The following PIK3CB variants were observed in gnomAD, a reference collection of about 807,000 sequenced individuals.
PIK3CB encodes phosphatidylinositol-4,5-bisphosphate 3-kinase catalytic subunit beta, also known as phosphatidylinositol 4,5-bisphosphate 3-kinase catalytic subunit beta isoform.
PIK3CB carries 39 observed loss-of-function variants against 136.8 expected under a neutral mutation model. That is an observed-to-expected ratio of 0.29 (90% CI 0.22 to 0.37). The LOEUF (loss-of-function observed/expected upper bound fraction) is 0.37. PIK3CB is among the 10% of genes least tolerant of loss of function. The probability of loss-of-function intolerance (pLI) is 1.00; values close to 1 mark genes in which losing one functional copy is unlikely to be tolerated. For missense variants in PIK3CB, 868 were observed against 1,275.4 expected (o/e 0.68, Z 4.87); for synonymous variants, 428 against 436.6 (o/e 0.98, Z 0.25).
At chr3:138,682,130 C>G (rs2043795253) in intron 18 of PIK3CB, 85 bp from the exon 19 acceptor site, 1 of 760,508 alleles carries the variant, frequency 1.3e-6, no homozygotes, top group Non-Finnish European at 2.2e-6. Context: ...TCAGAATTAA[C>G]TAAAAACATT....
chr3:138,745,742 C>A (rs1367962354), intron 4 of PIK3CB, among the ~76,000 whole-genome samples: 2 of 152,182 alleles, frequency 1.3e-5, no homozygotes, highest in Non-Finnish European at 2.9e-5. Context: ...TCTTGTTGTA[C>A]AACCAAAAGA....
At chr3:138,665,769 C>T (rs1486345320) in intron 19 of PIK3CB, among the ~76,000 whole-genome samples, 1 of 152,092 alleles carries the variant, frequency 6.6e-6, no homozygotes, top group Non-Finnish European at 1.5e-5. Flanking sequence ...AGGGTTTGGC[C>T]ATGTTACCCA....
chr3:138,717,288 G>C (rs2044631693), intron 8 of PIK3CB, among the ~76,000 whole-genome samples: 1 of 151,858 alleles, frequency 6.6e-6, no homozygotes, highest in African/African-American at 2.4e-5. Context: ...GTTTATAGTG[G>C]ATAGCTGGAA....
intron 9 of PIK3CB, among the ~76,000 whole-genome samples, chr3:138,713,697 A>T (rs2044551721): frequency 6.6e-6 from 1 of 152,098 alleles, no homozygotes; most frequent in Non-Finnish European, 1.5e-5. Context: ...AAAATAACAC[A>T]AATTAATATA....
chr3:138,805,132 CGAGA>C, intron 1 of PIK3CB, among the ~76,000 whole-genome samples: 1 of 151,180 alleles, frequency 6.6e-6, no homozygotes, highest in Non-Finnish European at 1.5e-5. Context: ...GTCAGGAGTT[CGAGA>C]CCAGCCTGGC....
chr3:138,732,760 C>T (rs370897417), intron 8 of PIK3CB, among the ~76,000 whole-genome samples: 1 of 148,718 alleles, frequency 6.7e-6, no homozygotes, highest in African/African-American at 2.5e-5. Context: ...GGGTTCAGTG[C>T]AGCTCTAGGC....
chr3:138,677,065 T>TTC (rs974661275), intron 19 of PIK3CB, among the ~76,000 whole-genome samples: 2 of 151,806 alleles, frequency 1.3e-5, no homozygotes, highest in Non-Finnish European at 2.9e-5. Flanking sequence ...AAGATTTTTT[T>TTC]TTTTTTTTTG....
At chr3:138,784,991 C>T (rs1260661090) in intron 2 of PIK3CB, among the ~76,000 whole-genome samples, 3 of 151,900 alleles carry the variant, frequency 2.0e-5, no homozygotes, top group African/African-American at 4.8e-5. Flanking sequence ...GGAGCCCCTC[C>T]ACCCGGCAGC....
intron 18 of PIK3CB, among the ~76,000 whole-genome samples, 175 bp downstream of exon 18, chr3:138,683,502 GA>G (rs1219975890): frequency 3.9e-5 from 6 of 152,026 alleles, no homozygotes; most frequent in Admixed American, 2.0e-4. Context: ...CATTTTATAA[GA>G]GGGGGAAAAA....
chr3:138,816,369 G>A (rs971489695), intron 1 of PIK3CB, among the ~76,000 whole-genome samples: 2 of 152,140 alleles, frequency 1.3e-5, no homozygotes, highest in Non-Finnish European at 2.9e-5. Flanking sequence ...CAAGGCGGGT[G>A]GATCACTTGA....
chr3:138,801,478 C>T (rs1205238090), intron 1 of PIK3CB, among the ~76,000 whole-genome samples: 1 of 151,906 alleles, frequency 6.6e-6, no homozygotes, highest in Non-Finnish European at 1.5e-5. Context: ...TGCCTGTAAT[C>T]CTAAAGCTTT....
At chr3:138,709,802 T>C (rs913235446) in intron 10 of PIK3CB, among the ~76,000 whole-genome samples, 1 of 152,008 alleles carries the variant, frequency 6.6e-6, no homozygotes, top group Non-Finnish European at 1.5e-5. Context: ...CATGTGTGAG[T>C]CTAAATTAAG....
chr3:138,826,061 G>C lies in PIK3CB; in HGVS notation c.-122+8634C>G, dbSNP rs147578115. The C allele has an allele frequency of 2.4e-4, 283 of 1,190,870 alleles. 1 individual carries two copies. In the African/African-American group the frequency reaches 4.1e-3, roughly 17 times the overall value. 73.8% of individuals were successfully genotyped at this position (1,190,870 alleles called of 1,614,324 possible). A position where few individuals can be genotyped will look rare whatever the true frequency, so the allele number is the denominator to read the frequency against. ...AGCTTACACAGCTTGCAAGTTTGCT[G>C]ACCTGAAGGAAAAAGATTGATCACC... On this transcript the variant is annotated intron_variant, in intron 1 of 23. Coordinates refer to ENST00000674063, the MANE Select transcript of PIK3CB (RefSeq NM_006219.3).
At chr3:138,766,664 C>A (rs1321601947) in intron 2 of PIK3CB, among the ~76,000 whole-genome samples, 1 of 152,178 alleles carries the variant, frequency 6.6e-6, no homozygotes, top group Non-Finnish European at 1.5e-5. Flanking sequence ...TCTCCAAAAT[C>A]AATTCCCCTA....
At chr3:138,758,429 T>C (rs558462492) in intron 3 of PIK3CB, among the ~76,000 whole-genome samples, 1 of 152,240 alleles carries the variant, frequency 6.6e-6, no homozygotes, top group Non-Finnish European at 1.5e-5. Flanking sequence ...TAATCTAATG[T>C]GAAGTATAGC....
chr3:138,737,644 AATATATAT>A (rs372468230), intron 6 of PIK3CB, 55 bp downstream of exon 6: 2 of 462,516 alleles, frequency 4.3e-6, no homozygotes, highest in Non-Finnish European at 6.5e-6. Context: ...TCAGAAATAA[AATATATAT>A]ATATATATAT....
At chr3:138,700,692 A>AAGATAGATAGATAGATAGAC (rs1218565872) in intron 12 of PIK3CB, among the ~76,000 whole-genome samples, 34 of 143,996 alleles carry the variant, frequency 2.4e-4, no homozygotes, top group African/African-American at 8.0e-4. Context: ...TGACTCTAAA[A>AAGATAGATAGATAGATAGAC]AGATAGATAG....
intron 2 of PIK3CB, among the ~76,000 whole-genome samples, chr3:138,776,505 T>C (rs912565646): frequency 2.0e-5 from 3 of 151,952 alleles, no homozygotes; most frequent in South Asian, 2.1e-4. Flanking sequence ...CCTGGGCAAC[T>C]TGACAAAACC....
At chr3:138,832,187 C>CA (rs1293976320) in intron 1 of PIK3CB, among the ~76,000 whole-genome samples, 2 of 152,094 alleles carry the variant, frequency 1.3e-5, no homozygotes, top group Admixed American at 1.3e-4. Flanking sequence ...CAAGTTGAAG[C>CA]AAAAGCCTTT....
Sources: gnomAD v4.1 joint callset for allele counts (sites outside exome capture counted in the v4.1 genomes callset) on GRCh38, gnomAD v4.1.1 for gene constraint, MANE v1.5 for transcripts, NCBI Gene and HGNC (gene_info 2026-07-23, HGNC 2026-07-21) for gene names.